CHSY3: variants seen among roughly 807,000 people sequenced by gnomAD.
CHSY3 encodes chondroitin sulfate synthase 3.
A neutral mutation model predicts 67.2 loss-of-function variants in CHSY3; 35 were observed. The observed-to-expected ratio is 0.52, with a 90% CI of 0.40 to 0.69. CHSY3 has a LOEUF of 0.69. Ranked by LOEUF, CHSY3 falls within the 30% of genes least tolerant of loss-of-function variation. CHSY3 has a pLI of 0.00. For missense variants in CHSY3, 1,069 were observed against 1,138.5 expected (o/e 0.94, Z 0.88); for synonymous variants, 474 against 434.7 (o/e 1.09, Z -1.12).
intron 2 of CHSY3, among the ~76,000 whole-genome samples, chr5:130,005,956 A>G (rs1763862036): frequency 6.6e-6 from 1 of 152,180 alleles, no homozygotes; most frequent in South Asian, 2.1e-4. Context: ...ACTACAGATA[A>G]TGGGAATCCT....
chr5:130,104,539 G>T (rs929804323), intron 2 of CHSY3, among the ~76,000 whole-genome samples: 11 of 151,730 alleles, frequency 7.2e-5, no homozygotes, highest in Admixed American at 3.9e-4. Context: ...AAAGCCAAAG[G>T]TTCAGGGCTT....
At chr5:130,158,482 C>T (rs1002888413) in intron 2 of CHSY3, among the ~76,000 whole-genome samples, 1 of 152,056 alleles carries the variant, frequency 6.6e-6, no homozygotes, top group Non-Finnish European at 1.5e-5. Context: ...CAAGTGGTAC[C>T]CGGCAAATAC....
chr5:130,129,252 A>G (rs1208176388), intron 2 of CHSY3, among the ~76,000 whole-genome samples: 1 of 152,192 alleles, frequency 6.6e-6, no homozygotes, highest in East Asian at 1.9e-4. Context: ...TCTAATGAGC[A>G]ACATTTGGCC....
chr5:130,002,953 C>T (rs1561492441), intron 2 of CHSY3, among the ~76,000 whole-genome samples: 3 of 152,176 alleles, frequency 2.0e-5, no homozygotes, highest in East Asian at 3.9e-4. Context: ...ATTACTATTT[C>T]TGTTTGTGTT....
chr5:130,112,093 G>T (rs1425437721), intron 2 of CHSY3, among the ~76,000 whole-genome samples: 1 of 152,058 alleles, frequency 6.6e-6, no homozygotes, highest in Non-Finnish European at 1.5e-5. Flanking sequence ...TGGTTCCCAA[G>T]TCAGCTGCAT....
intron 2 of CHSY3, among the ~76,000 whole-genome samples, chr5:130,095,613 A>G (rs1352455922): frequency 6.6e-6 from 1 of 152,238 alleles, no homozygotes; most frequent in Non-Finnish European, 1.5e-5. Flanking sequence ...AGAAGAAGGG[A>G]CTATATTAAA....
intron 2 of CHSY3, among the ~76,000 whole-genome samples, chr5:130,026,248 T>C (rs985498503): frequency 6.6e-6 from 1 of 152,156 alleles, no homozygotes; most frequent in Non-Finnish European, 1.5e-5. Flanking sequence ...GAAATGACTA[T>C]TTATCTGTAG....
At chr5:129,967,671 T>C (rs1309129000) in intron 2 of CHSY3, among the ~76,000 whole-genome samples, 1 of 151,760 alleles carries the variant, frequency 6.6e-6, no homozygotes, top group Non-Finnish European at 1.5e-5. Context: ...TGGCATGTGA[T>C]TTGGGAGAGT....
At chr5:129,987,284 AC>A (rs1464567810) in intron 2 of CHSY3, among the ~76,000 whole-genome samples, 3 of 152,178 alleles carry the variant, frequency 2.0e-5, no homozygotes, top group Non-Finnish European at 4.4e-5. Flanking sequence ...TATTGGTAGA[AC>A]TATTTGGAAA....
intron 2 of CHSY3, among the ~76,000 whole-genome samples, chr5:130,162,057 A>G (rs72795774): frequency 0.028 from 3,446 of 122,978 alleles, 151 homozygotes; most frequent in African/African-American, 0.099. Context: ...AAAAAAAAAA[A>G]AAAGAAAGAA....
intron 2 of CHSY3, among the ~76,000 whole-genome samples, chr5:130,073,548 A>T (rs138233255): frequency 6.6e-6 from 1 of 152,208 alleles, no homozygotes; most frequent in East Asian, 1.9e-4. Context: ...AAAGATAACA[A>T]ATGTTAGTGA....
Position 129,905,581 on chromosome 5 carries a change from T to C in CHSY3, c.752T>C (p.Leu251Pro), listed in dbSNP as rs139824617. ...MMIKYMHDHY[L>P]DKYEWFMRAD... ...ATCAAGTACATGCACGACCACTACC[T>C]GGACAAGTATGAGTGGTTCATGCGC... The change falls in exon 1 of 3, where the codon CTG becomes CCG. Residue 251 changes from leucine (L) to proline (P), a missense_variant. Coordinates refer to ENST00000305031, the MANE Select transcript of CHSY3 (RefSeq NM_175856.5). 181 of 1,613,656 alleles carry C rather than the reference T, an allele frequency of 1.1e-4. 1 individual carries two copies. Among genetic ancestry groups the C allele is most frequent in the Non-Finnish European group, 1.5e-5 (18 of 1,180,018 alleles).
chr5:130,003,191 A>G (rs12109753), intron 2 of CHSY3, among the ~76,000 whole-genome samples: 78,327 of 152,020 alleles, frequency 0.52, 20,863 homozygotes, highest in East Asian at 0.61. Flanking sequence ...CCGAGTATCC[A>G]TGATACCATA....
intron 2 of CHSY3, among the ~76,000 whole-genome samples, chr5:130,129,351 A>G (rs1561550316): frequency 6.6e-6 from 1 of 152,162 alleles, no homozygotes; most frequent in Non-Finnish European, 1.5e-5. Flanking sequence ...ATGTGCCAGA[A>G]TCTCTACTCA....
chr5:130,133,041 G>A (rs1768533030), intron 2 of CHSY3, among the ~76,000 whole-genome samples: 1 of 151,934 alleles, frequency 6.6e-6, no homozygotes, highest in South Asian at 2.1e-4. Flanking sequence ...ATACTATAGG[G>A]GCATAAGAAA....
chr5:129,984,082 G>A (rs1763100736), intron 2 of CHSY3, among the ~76,000 whole-genome samples: 1 of 151,992 alleles, frequency 6.6e-6, no homozygotes, highest in Admixed American at 6.6e-5. Context: ...TTGTTACATG[G>A]GTAAATTGTG....
rs553596257 is a variant in CHSY3 at position 130,064,119 on chromosome 5, A to G, written c.1087-120110A>G. Among the ~76,000 whole-genome samples the G allele has an allele frequency of 2.6e-5, 4 of 152,150 alleles. No individual in the cohort carries two copies. In the East Asian group the frequency reaches 7.8e-4, roughly 30 times the overall value. Reference sequence around the variant, plus strand: ...AGGCTTTGCAGATATACTAAGGAAGACTCAGGGACAACTGACTTGCTATTT... The same window carrying G: ...AGGCTTTGCAGATATACTAAGGAAGGCTCAGGGACAACTGACTTGCTATTT... On this transcript the variant is annotated intron_variant, in intron 2 of 2. Coordinates refer to ENST00000305031, the MANE Select transcript of CHSY3 (RefSeq NM_175856.5).
intron 2 of CHSY3, among the ~76,000 whole-genome samples, chr5:130,134,584 A>G (rs953415192): frequency 2.0e-5 from 3 of 152,178 alleles, no homozygotes; most frequent in African/African-American, 7.2e-5. Flanking sequence ...TGGTTTAAAT[A>G]TGCTATTCCT....
At chr5:130,002,304 C>T (rs933623423) in intron 2 of CHSY3, 1 of 152,452 alleles carries the variant, frequency 6.6e-6, no homozygotes, top group Non-Finnish European at 1.5e-5. Context: ...TGTAGAAGAC[C>T]ATGTCCTGGC....
Sources: gnomAD v4.1 joint callset for allele counts (sites outside exome capture counted in the v4.1 genomes callset) on GRCh38, gnomAD v4.1.1 for gene constraint, MANE v1.5 for transcripts, NCBI Gene and HGNC (gene_info 2026-07-23, HGNC 2026-07-21) for gene names.